Variants in FAT1 observed in about 807,000 individuals in gnomAD.
FAT1 encodes FAT atypical cadherin 1, also known as protocadherin Fat 1.
A neutral mutation model predicts 329.8 loss-of-function variants in FAT1; 171 were observed. The ratio of observed to expected loss-of-function variants is 0.52; its 90% confidence interval spans 0.46 to 0.59. FAT1 has a LOEUF of 0.59. FAT1 is among the 20% of genes least tolerant of loss of function. The pLI, the probability that FAT1 is intolerant of heterozygous loss-of-function variation, is 0.00. For missense variants in FAT1, 5,672 were observed against 5,774.4 expected, an observed-to-expected ratio of 0.98 and a Z score of 0.57; for synonymous variants, 2,233 against 2,228.6, an observed-to-expected ratio of 1.00 and a Z score of -0.06.
chr4:186,726,018 G>C (rs1745706571), upstream of FAT1, among the ~76,000 whole-genome samples: 2 of 152,246 alleles, frequency 1.3e-5, no homozygotes, highest in African/African-American at 4.8e-5. Flanking sequence ...CCGGACTAGA[G>C]GGCGCTGCGC....
chr4:186,684,917 C>T (rs1743393000), intron 2 of FAT1, among the ~76,000 whole-genome samples: 1 of 152,096 alleles, frequency 6.6e-6, no homozygotes, highest in South Asian at 2.1e-4. Flanking sequence ...CCTTTTATGC[C>T]ACAACCAAGT....
chr4:186,603,989 GA>G lies in FAT1; in HGVS notation c.10549-13del. 1 of 1,593,778 alleles carries G rather than the reference GA, an allele frequency of 6.3e-7. No individual in the cohort carries two copies. The highest frequency in any genetic ancestry group is 8.6e-7 in the Non-Finnish European group (1 of 1,164,990). On this transcript the variant is annotated splice_polypyrimidine_tract_variant and intron_variant, in intron 18 of 26. Coordinates refer to ENST00000441802, the MANE Select transcript of FAT1 (RefSeq NM_005245.4). ...CCATTATCTGCCACCTACAAGAAAAGAAAAATAAAATCACCTTTGTCTATGG... is the reference window on the plus strand; with the variant it reads ...CCATTATCTGCCACCTACAAGAAAAGAAAATAAAATCACCTTTGTCTATGG...
intron 2 of FAT1, among the ~76,000 whole-genome samples, chr4:186,677,176 C>T (rs901363504): frequency 2.0e-5 from 3 of 152,092 alleles, no homozygotes; most frequent in South Asian, 2.1e-4. Context: ...AAACTGAAGA[C>T]GAACTACTTA....
Position 186,638,680 on chromosome 4 carries a change from GACA to G in FAT1, c.3642+1039_3642+1041del, listed in dbSNP as rs550856022. Reference sequence around the variant, plus strand: ...CAACTATAAAAACTAAGTATTTACTGACAACGTTAAGAAAATTTGACCAAGGAT... The same window carrying G: ...CAACTATAAAAACTAAGTATTTACTGACGTTAAGAAAATTTGACCAAGGAT... On this transcript the variant is annotated intron_variant, in intron 4 of 26. Coordinates refer to ENST00000441802, the MANE Select transcript of FAT1 (RefSeq NM_005245.4). Among the ~76,000 whole-genome samples the G allele has an allele frequency of 1.2e-3, 180 of 151,796 alleles. 1 individual carries two copies. In the Middle Eastern group the frequency reaches 0.017, roughly 14 times the overall value.
intron 3 of FAT1, among the ~76,000 whole-genome samples, chr4:186,660,802 T>C (rs565795153): frequency 6.6e-6 from 1 of 152,194 alleles, no homozygotes; most frequent in Admixed American, 6.5e-5. Context: ...AGACACATCA[T>C]CATTTCTGGG....
intron 21 of FAT1, among the ~76,000 whole-genome samples, 177 bp from the exon 22 acceptor site, chr4:186,600,537 T>C (rs1207365095): frequency 1.3e-5 from 2 of 152,222 alleles, no homozygotes; most frequent in Non-Finnish European, 2.9e-5. Context: ...ATGCGTCTTT[T>C]AGGAATATCA....
chr4:186,620,922 A>G lies in FAT1; in HGVS notation c.5664T>C (p.Leu1888=), dbSNP rs759235405. The change falls in exon 10 of 27, where the codon CTT becomes CTC. Residue 1888 remains leucine (L), a synonymous_variant. Transcript: ENST00000441802. The part of the protein sequence containing the change: ...VFAKPLYEAS[L]LLPTYKGVKV... ...TTACTCCTTTGTATGTTGGTAACAA[A>G]AGAGATGCTTCATATAATGGCTTGG... The G allele has an allele frequency of 5.6e-6, 9 of 1,613,934 alleles. No homozygotes were observed. The highest frequency in any genetic ancestry group is 7.6e-6 in the Non-Finnish European group (9 of 1,179,910).
chr4:186,714,538 CGG>C (rs1361767190), intron 1 of FAT1, among the ~76,000 whole-genome samples: 2 of 151,794 alleles, frequency 1.3e-5, no homozygotes, highest in African/African-American at 4.8e-5. Context: ...ATATGAAAGA[CGG>C]TATTTAAAAC....
intron 26 of FAT1, among the ~76,000 whole-genome samples, chr4:186,594,313 C>G (rs56299146): frequency 0.13 from 19,690 of 151,844 alleles, 3,189 homozygotes; most frequent in African/African-American, 0.38. Flanking sequence ...CGCCCGCCTT[C>G]ACCTCCCAAA....
chr4:186,588,763 G>A lies in FAT1; in HGVS notation c.13596C>T (p.Val4532=), dbSNP rs753054161. The part of the protein sequence containing the change: ...GYQRHFEAPA[V]ESMPMSVYAS... ...CGTACACAGACATGGGCATGCTCTC[G>A]ACAGCGGGCGCCTCGAAGTGTCTTT... is the stretch of plus-strand genomic sequence containing the variant. The change falls in exon 27 of 27, where the codon GTC becomes GTT. Residue 4532 remains valine (V), a synonymous_variant. Coordinates refer to ENST00000441802, the MANE Select transcript of FAT1 (RefSeq NM_005245.4). 2.4e-5 allele frequency: 38 copies of A among 1,613,998 alleles called. No individual in the cohort carries two copies. Among genetic ancestry groups the A allele is most frequent in the Admixed American group, 1.0e-4 (6 of 60,028 alleles).
At chr4:186,656,230 A>G (rs162180) in intron 3 of FAT1, among the ~76,000 whole-genome samples, 49,103 of 152,076 alleles carry the variant, frequency 0.32, 9,489 homozygotes, top group East Asian at 0.6. Context: ...CGTGACACAG[A>G]TGGTGGTGTG....
Position 186,674,628 on chromosome 4 carries a change from A to G in FAT1, c.3266-11015T>C, listed in dbSNP as rs527448163. The stretch of plus-strand genomic sequence containing the variant: ...CAAACAGATCCCTGTATAGAGTTCA[A>G]GAACTCCGTGTGACCAGGCCCATTT... On this transcript the variant is annotated intron_variant, in intron 2 of 26. Coordinates refer to ENST00000441802, the MANE Select transcript of FAT1 (RefSeq NM_005245.4). 3.3e-5 allele frequency among the ~76,000 whole-genome samples: 5 copies of G among 152,374 alleles called. No individual in the cohort carries two copies. The South Asian group carries it at 1.0e-3, about 32-fold the overall frequency.
intron 2 of FAT1, among the ~76,000 whole-genome samples, chr4:186,702,680 A>C (rs1744385511): frequency 1.3e-5 from 2 of 152,206 alleles, no homozygotes; most frequent in Admixed American, 1.3e-4. Flanking sequence ...GTAATAATTA[A>C]CTTGCTAAGT....
intron 2 of FAT1, among the ~76,000 whole-genome samples, chr4:186,681,966 A>G (rs1201763261): frequency 1.3e-5 from 2 of 152,220 alleles, no homozygotes; most frequent in African/African-American, 2.4e-5. Flanking sequence ...ACGGATCTAT[A>G]AGTAAAGACT....
intron 3 of FAT1, among the ~76,000 whole-genome samples, chr4:186,652,536 A>G (rs1741714740): frequency 6.6e-6 from 1 of 152,348 alleles, no homozygotes; most frequent in South Asian, 2.1e-4. Flanking sequence ...CACTTATTTT[A>G]TAAAATAATA....
intron 26 of FAT1, among the ~76,000 whole-genome samples, chr4:186,589,471 G>A (rs1263269550): frequency 6.6e-6 from 1 of 152,020 alleles, no homozygotes; most frequent in Non-Finnish European, 1.5e-5. Context: ...AACATTCAAG[G>A]AAACAAAAGG....
chr4:186,609,980 T>C lies in FAT1; in HGVS notation c.9889A>G (p.Ser3297Gly), dbSNP rs753656469. The C allele has an allele frequency of 1.2e-6, 2 of 1,613,024 alleles. No individual in the cohort carries two copies. The highest frequency in any genetic ancestry group is 1.7e-5 in the Admixed American group (1 of 59,998). Residue 3297 changes from serine (S) to glycine (G), a missense_variant, in exon 15 of 27, where the codon AGC becomes GGC. This residue lies in a region of FAT1 where 1,706 missense variants were observed against 1,859.1 expected (regional missense o/e 0.92). Coordinates refer to ENST00000441802, the MANE Select transcript of FAT1 (RefSeq NM_005245.4). ...ACTGTTAGGTAATACTCATGAGAGCTCTCATAATCCAGATTCTCAATGATA... is the reference window on the plus strand; with the variant it reads ...ACTGTTAGGTAATACTCATGAGAGCCCTCATAATCCAGATTCTCAATGATA... ...VFIIENLDYE[S>G]SHEYYLTVEA...
rs1268615111 is a variant in FAT1, at chr4:186,612,000, G to A, written c.9464-225C>T. 4.0e-5 allele frequency among the ~76,000 whole-genome samples: 6 copies of A among 151,606 alleles called. No homozygotes were observed. In the East Asian group the frequency reaches 9.8e-4, roughly 25 times the overall value. On this transcript the variant is annotated intron_variant, in intron 13 of 26. Transcript: ENST00000441802. ...TAATTTTTGTATTTTTATTAGAGAC[G>A]GGGTTTCTCCATGTTGGCCAGGCTG... is the stretch of plus-strand genomic sequence containing the variant.
At chr4:186,662,006 T>TCCCCCCCCCCC (rs67163880) in intron 3 of FAT1, among the ~76,000 whole-genome samples, 3 of 144,642 alleles carry the variant, frequency 2.1e-5, no homozygotes, top group African/African-American at 5.1e-5. Context: ...TAGGAAATCC[T>TCCCCCCCCCCC]CCCCCCCGCC....
Sources: allele counts gnomAD v4.1 joint callset (sites outside exome capture counted in the v4.1 genomes callset), GRCh38; gene constraint gnomAD v4.1.1; regional missense constraint gnomAD v4.1.1; transcripts MANE v1.5; gene names NCBI Gene and HGNC (gene_info 2026-07-23, HGNC 2026-07-21).